Variants in DIP2B observed in about 807,000 individuals in gnomAD.
The protein encoded by DIP2B is DIP2 acetate--CoA ligase B (putative).
DIP2B carries 76 observed loss-of-function variants against 198.0 expected under a neutral mutation model. The ratio of observed to expected loss-of-function variants is 0.38; its 90% CI spans 0.32 to 0.46. The LOEUF (loss-of-function observed/expected upper bound fraction) is 0.46. DIP2B is among the 20% of genes least tolerant of loss of function. The pLI is 0.99. For missense variants in DIP2B, 1,559 were observed against 1,978.4 expected, an observed-to-expected ratio of 0.79 and a Z score of 4.02; for synonymous variants, 701 against 739.1, an observed-to-expected ratio of 0.95 and a Z score of 0.84.
chr12:50,676,725 G>A (rs1402336645), intron 7 of DIP2B, among the ~76,000 whole-genome samples: 2 of 152,234 alleles, frequency 1.3e-5, no homozygotes, highest in African/African-American at 2.4e-5. Flanking sequence ...ATCTGAAAGA[G>A]CATGCCCCAG....
At chr12:50,680,967 A>G (rs1025390278) in intron 9 of DIP2B, among the ~76,000 whole-genome samples, 2 of 152,212 alleles carry the variant, frequency 1.3e-5, no homozygotes, top group Non-Finnish European at 2.9e-5. Flanking sequence ...GGAAATTCGC[A>G]TGTCCTTTCC....
At chr12:50,536,271 G>GTATACATA (rs36130956) in intron 1 of DIP2B, among the ~76,000 whole-genome samples, 1 of 147,972 alleles carries the variant, frequency 6.8e-6, no homozygotes, top group African/African-American at 2.5e-5. Context: ...CTAAATACGT[G>GTATACATA]CATACATACA....
intron 10 of DIP2B, among the ~76,000 whole-genome samples, chr12:50,684,521 A>G (rs777060606): frequency 1.3e-5 from 2 of 152,134 alleles, no homozygotes; most frequent in East Asian, 1.9e-4. Flanking sequence ...GCCAGGCACA[A>G]TGGCTCACAC....
intron 1 of DIP2B, among the ~76,000 whole-genome samples, chr12:50,507,698 A>C (rs563097633): frequency 6.6e-6 from 1 of 152,154 alleles, no homozygotes; most frequent in Admixed American, 6.5e-5. Context: ...CTGCCGGGCT[A>C]ATTTTTTTTG....
At chr12:50,517,218 C>T (rs2139347102) in intron 1 of DIP2B, among the ~76,000 whole-genome samples, 1 of 151,736 alleles carries the variant, frequency 6.6e-6, no homozygotes, top group Middle Eastern at 3.4e-3. Flanking sequence ...CGCACCCGAC[C>T]AAAAAATTTG....
chr12:50,671,153 A>G lies in DIP2B; in HGVS notation c.428-33A>G, dbSNP rs182272353. The G allele has an allele frequency of 6.2e-6, 10 of 1,607,692 alleles. No individual in the cohort carries two copies. The Admixed American group carries it at 1.0e-4, about 16-fold the overall frequency. On this transcript the variant is annotated intron_variant, in intron 4 of 37. Coordinates refer to ENST00000301180, the MANE Select transcript of DIP2B (RefSeq NM_173602.3). ...CTGAAAAGTCTCTGTTCTAGGTAGG[A>G]TCGAGAACTTCTTTTTTTCTAATTC...
At chr12:50,605,962 C>T (rs1958977833) in intron 1 of DIP2B, among the ~76,000 whole-genome samples, 1 of 152,128 alleles carries the variant, frequency 6.6e-6, no homozygotes, top group Non-Finnish European at 1.5e-5. Flanking sequence ...GCTGGGATTA[C>T]AGGTGTGTGC....
At chr12:50,558,073 A>G (rs1444402018) in intron 1 of DIP2B, among the ~76,000 whole-genome samples, 1 of 118,768 alleles carries the variant, frequency 8.4e-6, no homozygotes, top group Admixed American at 1.0e-4. Context: ...AATATAAATT[A>G]TCACGTTTCA....
intron 8 of DIP2B, chr12:50,680,259 TA>T (rs11394582): frequency 2.1e-4 from 22 of 106,190 alleles, no homozygotes; most frequent in Admixed American, 4.5e-4. Context: ...GACTCTGTCT[TA>T]AAAAAAAAAA....
At chr12:50,571,241 G>A (rs4516034) in intron 1 of DIP2B, among the ~76,000 whole-genome samples, 40,726 of 148,586 alleles carry the variant, frequency 0.27, 5,881 homozygotes, top group East Asian at 0.39. Flanking sequence ...GCACGATCTC[G>A]GTTCACTGCA....
intron 1 of DIP2B, among the ~76,000 whole-genome samples, chr12:50,563,623 G>A (rs989015806): frequency 1.3e-5 from 2 of 150,674 alleles, no homozygotes; most frequent in African/African-American, 4.9e-5. Context: ...AGCCTCCCAA[G>A]TAGCTGGGAC....
chr12:50,679,585 T>G (rs941140048), intron 8 of DIP2B: 3 of 152,248 alleles, frequency 2.0e-5, no homozygotes, highest in Admixed American at 6.5e-5. Context: ...ATTTCCCTTA[T>G]CTCATAATCT....
At chr12:50,535,335 G>A (rs1958253816) in intron 1 of DIP2B, among the ~76,000 whole-genome samples, 1 of 152,016 alleles carries the variant, frequency 6.6e-6, no homozygotes, top group African/African-American at 2.4e-5. Flanking sequence ...GGAGGCCAAG[G>A]CAGGACGATT....
chr12:50,683,285 G>T, intron 10 of DIP2B, 37 bp downstream of exon 10: 1 of 1,537,440 alleles, frequency 6.5e-7, no homozygotes, highest in Non-Finnish European at 8.9e-7. Flanking sequence ...GTAGCCTGAT[G>T]TGACATGGCA....
Position 50,723,254 on chromosome 12 carries a change from T to C in DIP2B, c.3219T>C (p.Pro1073=). 1 of 1,614,154 alleles carries C rather than the reference T, an allele frequency of 6.2e-7. No homozygotes were observed. Among genetic ancestry groups the C allele is most frequent in the African/African-American group, 1.3e-5 (1 of 75,026 alleles). ...GCTGCCTGTATGCGGGCTGTATACC[T>C]GTGACCGTCAGACCTCCACATGCTC... ...FYGCLYAGCI[P]VTVRPPHAQN... The change falls in exon 27 of 38, where the codon CCT becomes CCC. Residue 1073 remains proline, a synonymous_variant. Coordinates refer to ENST00000301180, the MANE Select transcript of DIP2B (RefSeq NM_173602.3).
At chr12:50,593,511 A>C (rs12307178) in intron 1 of DIP2B, among the ~76,000 whole-genome samples, 48,125 of 150,596 alleles carry the variant, frequency 0.32, 7,834 homozygotes, top group South Asian at 0.39. Context: ...CTCAAAACAA[A>C]AAAAAAAAAG....
At chr12:50,620,167 G>C (rs1353454503) in intron 1 of DIP2B, among the ~76,000 whole-genome samples, 1 of 152,224 alleles carries the variant, frequency 6.6e-6, no homozygotes, top group Non-Finnish European at 1.5e-5. Flanking sequence ...TCACCCACCT[G>C]ACTGGTGTAA....
intron 1 of DIP2B, among the ~76,000 whole-genome samples, chr12:50,536,573 TG>T (rs1455030874): frequency 4.2e-5 from 4 of 94,440 alleles, no homozygotes; most frequent in Non-Finnish European, 1.1e-4. Flanking sequence ...AATTGTGTTT[TG>T]TTTTTTTTTT....
chr12:50,521,493 T>C (rs113521821), intron 1 of DIP2B, among the ~76,000 whole-genome samples: 1,461 of 142,118 alleles, frequency 0.01, 17 homozygotes, highest in African/African-American at 0.031. Context: ...TTCTTTCTTT[T>C]TTTTTTTTTT....
Sources: gnomAD v4.1 joint callset for allele counts (sites outside exome capture counted in the v4.1 genomes callset) on GRCh38, gnomAD v4.1.1 for gene constraint, MANE v1.5 for transcripts, NCBI Gene and HGNC (gene_info 2026-07-23, HGNC 2026-07-21) for gene names.